RBM27: variants seen among roughly 807,000 people sequenced by gnomAD.
The protein encoded by RBM27 is RNA-binding protein 27.
In RBM27, 22 loss-of-function variants were observed where a neutral mutation model predicts 135.3. That is an observed-to-expected ratio of 0.16 (90% CI 0.12 to 0.23). RBM27 has a LOEUF of 0.23. RBM27 is among the 10% of genes least tolerant of loss of function. The pLI, the probability that RBM27 is intolerant of heterozygous loss-of-function variation, is 1.00. For synonymous variants in RBM27, 481 were observed against 442.4 expected (o/e 1.09, Z -1.10); for missense variants, 1,009 against 1,281.0 (o/e 0.79, Z 3.24).
chr5:146,226,755 A>T (rs980906245), intron 3 of RBM27, among the ~76,000 whole-genome samples: 1 of 152,202 alleles, frequency 6.6e-6, no homozygotes, highest in Non-Finnish European at 1.5e-5. Flanking sequence ...CTTTGTAGAT[A>T]CAATTTTGAG....
intron 20 of RBM27, among the ~76,000 whole-genome samples, chr5:146,285,112 G>A (rs1759529206): frequency 6.6e-6 from 1 of 152,010 alleles, no homozygotes; most frequent in African/African-American, 2.4e-5. Flanking sequence ...TTTTCCTTCT[G>A]TGTACAATTG....
intron 19 of RBM27, among the ~76,000 whole-genome samples, chr5:146,275,309 G>C (rs1206646370): frequency 6.6e-6 from 1 of 150,720 alleles, no homozygotes; most frequent in Non-Finnish European, 1.5e-5. Flanking sequence ...TTGCTCTGTC[G>C]CCCAGGCTGG....
chr5:146,275,274 T>G (rs1275026081), intron 19 of RBM27, among the ~76,000 whole-genome samples: 1 of 151,882 alleles, frequency 6.6e-6, no homozygotes, highest in African/African-American at 2.4e-5. Flanking sequence ...TTTTTTTTAT[T>G]TTTTATTTTT....
chr5:146,207,078 G>C (rs529616098), intron 1 of RBM27, among the ~76,000 whole-genome samples: 1 of 152,100 alleles, frequency 6.6e-6, no homozygotes, highest in South Asian at 2.1e-4. Flanking sequence ...TTACTTTTTT[G>C]CATATTCCAG....
chr5:146,251,779 C>T lies in RBM27; in HGVS notation c.1348C>T (p.Pro450Ser), dbSNP rs1757896418. 1 of 1,613,624 alleles carries T rather than the reference C, an allele frequency of 6.2e-7. No individual in the cohort carries two copies. Residue 450 changes from proline (P) to serine (S), a missense_variant, in exon 9 of 21, where the codon CCT becomes TCT. This residue lies in a region of RBM27 where 329 missense variants were observed against 368.1 expected (regional missense o/e 0.89). Transcript: ENST00000265271. ...SERLQLGTPP[P>S]LLAARLVPPR... ...GCGACTTCAGTTGGGGACACCGCCT[C>T]CTCTGTTGGCAGCTCGTTTGGTGCC... is the stretch of plus-strand genomic sequence containing the variant.
intron 19 of RBM27, among the ~76,000 whole-genome samples, chr5:146,282,045 C>T (rs1396675803): frequency 2.8e-5 from 4 of 141,894 alleles, no homozygotes; most frequent in African/African-American, 8.3e-5. Context: ...ACTCTGTTGC[C>T]CAGGCCAGAT....
chr5:146,253,102 A>G lies in RBM27; in HGVS notation c.1444+1227A>G, dbSNP rs149402446. Reference sequence around the variant, plus strand: ...AACCTCCACCTCCAGGGTCCAAGCGATTCTCCTGCCTCAGCCTCCTGAGTA... The same window carrying G: ...AACCTCCACCTCCAGGGTCCAAGCGGTTCTCCTGCCTCAGCCTCCTGAGTA... On this transcript the variant is annotated intron_variant, in intron 9 of 20. Transcript: ENST00000265271. Among the ~76,000 whole-genome samples, 317 of 152,186 alleles carry G rather than the reference A, an allele frequency of 2.1e-3. 2 individuals carry two copies. Among genetic ancestry groups the G allele is most frequent in the African/African-American group, 7.1e-3 (293 of 41,512 alleles).
chr5:146,220,702 A>G (rs918436159), intron 2 of RBM27, among the ~76,000 whole-genome samples: 11 of 152,084 alleles, frequency 7.2e-5, no homozygotes, highest in Non-Finnish European at 1.2e-4. Context: ...TGTAGAAACA[A>G]AGCAATACTG....
chr5:146,218,367 C>T (rs1756302940), intron 1 of RBM27, among the ~76,000 whole-genome samples: 1 of 152,206 alleles, frequency 6.6e-6, no homozygotes, highest in Non-Finnish European at 1.5e-5. Context: ...CACCACTTCT[C>T]TTTTCCTTTC....
chr5:146,242,844 C>T (rs947374008), intron 8 of RBM27, among the ~76,000 whole-genome samples: 14 of 152,090 alleles, frequency 9.2e-5, no homozygotes, highest in African/African-American at 2.9e-4. Flanking sequence ...GTGATCCTTC[C>T]GACTCAGCCT....
intron 8 of RBM27, among the ~76,000 whole-genome samples, chr5:146,250,511 A>G (rs751000427): frequency 6.6e-6 from 1 of 151,922 alleles, no homozygotes; most frequent in Non-Finnish European, 1.5e-5. Context: ...TATAATAACT[A>G]AATCATATAA....
chr5:146,203,704 C>A lies in RBM27; in HGVS notation c.-62C>A. On this transcript the variant is annotated 5_prime_UTR_variant, in exon 1 of 21. Transcript: ENST00000265271. Reference sequence around the variant, plus strand: ...CTGTGAAGGGAACGTGAGGGGGCGGCGTAGTGGAGACCCACGGCAGGCCTG... The same window carrying A: ...CTGTGAAGGGAACGTGAGGGGGCGGAGTAGTGGAGACCCACGGCAGGCCTG... 2 of 1,447,400 alleles carry A rather than the reference C, an allele frequency of 1.4e-6. No homozygotes were observed. Among genetic ancestry groups the A allele is most frequent in the Non-Finnish European group, 9.5e-7 (1 of 1,053,646 alleles). The allele number at this position is 1,447,400 out of a possible 1,614,324, so 89.7% of individuals were successfully genotyped here. A position where few individuals can be genotyped will look rare whatever the true frequency, so the allele number is the denominator to read the frequency against.
At chr5:146,210,483 C>G (rs545217525) in intron 1 of RBM27, among the ~76,000 whole-genome samples, 1 of 151,914 alleles carries the variant, frequency 6.6e-6, no homozygotes, top group South Asian at 2.1e-4. Flanking sequence ...GTTGGTGTCC[C>G]CTCAAAATTC....
intron 19 of RBM27, among the ~76,000 whole-genome samples, chr5:146,281,844 G>A (rs1759364381): frequency 6.6e-6 from 1 of 152,144 alleles, no homozygotes. Context: ...TTTTTAAAAT[G>A]TTATGTAAAT....
intron 8 of RBM27, among the ~76,000 whole-genome samples, chr5:146,242,472 G>GT (rs1409737631): frequency 2.6e-5 from 4 of 152,190 alleles, no homozygotes; most frequent in African/African-American, 9.6e-5. Context: ...GAAATATGTG[G>GT]TTTTCTTTCT....
intron 8 of RBM27, among the ~76,000 whole-genome samples, chr5:146,240,428 G>A (rs1757359109): frequency 6.6e-6 from 1 of 152,082 alleles, no homozygotes; most frequent in Non-Finnish European, 1.5e-5. Flanking sequence ...CCGGGTTCAA[G>A]TGATTCTTGT....
At chr5:146,283,750 C>CTATG (rs1231040363) in intron 19 of RBM27, among the ~76,000 whole-genome samples, 22 of 152,132 alleles carry the variant, frequency 1.4e-4, no homozygotes, top group Admixed American at 3.3e-4. Flanking sequence ...TCTCACCATG[C>CTATG]TATGCTCCAA....
At chr5:146,231,509 G>T (rs1197809944) in intron 6 of RBM27, among the ~76,000 whole-genome samples, 1 of 151,514 alleles carries the variant, frequency 6.6e-6, no homozygotes, top group African/African-American at 2.4e-5. Context: ...CCCTTTTTTA[G>T]ATTTTTTTTG....
intron 1 of RBM27, among the ~76,000 whole-genome samples, chr5:146,217,276 G>A (rs907940670): frequency 2.6e-5 from 4 of 151,990 alleles, no homozygotes; most frequent in Admixed American, 2.0e-4. Flanking sequence ...CAGGTGAATG[G>A]ATGTTTAAAG....
Sources: gnomAD v4.1 joint callset for allele counts (sites outside exome capture counted in the v4.1 genomes callset) on GRCh38, gnomAD v4.1.1 for gene constraint, gnomAD v4.1.1 regional missense constraint, MANE v1.5 for transcripts, NCBI Gene and HGNC (gene_info 2026-07-23, HGNC 2026-07-21) for gene names.